HIVEP3: variants seen among roughly 807,000 people sequenced by gnomAD.
HIVEP3 encodes the protein transcription factor HIVEP3.
HIVEP3 carries 49 observed loss-of-function variants against 152.8 expected under a neutral mutation model. The ratio of observed to expected loss-of-function variants is 0.32; its 90% CI spans 0.26 to 0.41. The LOEUF is 0.41. Ranked by LOEUF, HIVEP3 falls within the 10% of genes least tolerant of loss-of-function variation. HIVEP3 has a pLI of 1.00. For synonymous variants in HIVEP3, 1,269 were observed against 1,289.0 expected, an observed-to-expected ratio of 0.98 and a Z score of 0.33; for missense variants, 2,790 against 3,103.3, an observed-to-expected ratio of 0.90 and a Z score of 2.40.
chr1:41,620,657 AC>A (rs1645034198), intron 3 of HIVEP3, among the ~76,000 whole-genome samples: 1 of 152,010 alleles, frequency 6.6e-6, no homozygotes, highest in Admixed American at 6.6e-5. Flanking sequence ...AGCAGCTCTC[AC>A]ATTCAATATG....
At chr1:41,975,474 T>C (rs911988302) in intron 1 of HIVEP3, among the ~76,000 whole-genome samples, 3 of 152,336 alleles carry the variant, frequency 2.0e-5, no homozygotes, top group South Asian at 2.1e-4. Context: ...GAGATATTGA[T>C]TGAATGAATC....
chr1:41,525,004 C>T, intron 5 of HIVEP3, 94 bp from the exon 6 acceptor site: 1 of 1,200,790 alleles, frequency 8.3e-7, no homozygotes, highest in Non-Finnish European at 1.2e-6. Context: ...ATTCATCCAG[C>T]CCGTTACAGA....
In HIVEP3 at chr1:41,552,174, C is replaced by T. The variant is rs182712587; in HGVS notation, c.5207+23370G>A. ...CATTCAGGAGCAGGTTGTTCAATTTCCATGTAGTTGTGCGGTTTTGAATGA... is the reference window on the plus strand; with the variant it reads ...CATTCAGGAGCAGGTTGTTCAATTTTCATGTAGTTGTGCGGTTTTGAATGA... On this transcript the variant is annotated intron_variant, in intron 5 of 8. Coordinates refer to ENST00000372583, the MANE Select transcript of HIVEP3 (RefSeq NM_024503.5). 6.1e-3 allele frequency among the ~76,000 whole-genome samples: 930 copies of T among 152,284 alleles called. 6 individuals carry two copies. Among genetic ancestry groups the T allele is most frequent in the Non-Finnish European group, 8.7e-3 (590 of 68,032 alleles).
intron 1 of HIVEP3, among the ~76,000 whole-genome samples, chr1:41,794,307 C>T (rs1396729825): frequency 1.3e-5 from 2 of 152,054 alleles, no homozygotes; most frequent in Non-Finnish European, 2.9e-5. Context: ...GGAAAATGCC[C>T]CCATGATTCA....
chr1:41,957,142 C>T (rs1003899414), intron 1 of HIVEP3, among the ~76,000 whole-genome samples: 2 of 152,108 alleles, frequency 1.3e-5, no homozygotes, highest in Non-Finnish European at 2.9e-5. Context: ...ACTATACTTT[C>T]TTAAAGTCTA....
At chr1:41,659,496 C>G (rs964951488) in intron 2 of HIVEP3, among the ~76,000 whole-genome samples, 2 of 152,212 alleles carry the variant, frequency 1.3e-5, no homozygotes, top group African/African-American at 4.8e-5. Flanking sequence ...CAGGGCCCAG[C>G]AGGCACTCAG....
At chr1:42,006,222 G>A (rs1399082785) in intron 1 of HIVEP3, among the ~76,000 whole-genome samples, 2 of 152,112 alleles carry the variant, frequency 1.3e-5, no homozygotes, top group African/African-American at 2.4e-5. Context: ...TGCATGTGTT[G>A]CATGTGTTGG....
intron 1 of HIVEP3, among the ~76,000 whole-genome samples, chr1:41,834,864 GC>G (rs754350964): frequency 6.6e-6 from 1 of 152,124 alleles, no homozygotes; most frequent in Non-Finnish European, 1.5e-5. Context: ...GGCCTTCCAA[GC>G]AGAGAGAACA....
At chr1:41,763,727 A>G (rs138742289) in intron 1 of HIVEP3, among the ~76,000 whole-genome samples, 1 of 152,380 alleles carries the variant, frequency 6.6e-6, no homozygotes, top group East Asian at 1.9e-4. Flanking sequence ...AAGAGTATGC[A>G]ATTAATAAAG....
intron 3 of HIVEP3, among the ~76,000 whole-genome samples, chr1:41,628,344 A>C (rs12759148): frequency 0.026 from 4,023 of 152,242 alleles, 88 homozygotes; most frequent in Middle Eastern, 0.082. Flanking sequence ...TTCAGCAAGA[A>C]CCATTATGTA....
intron 3 of HIVEP3, among the ~76,000 whole-genome samples, chr1:41,602,810 T>C (rs1439367833): frequency 6.6e-6 from 1 of 152,012 alleles, no homozygotes; most frequent in Non-Finnish European, 1.5e-5. Flanking sequence ...TAAAGTTAGG[T>C]TGCTTATTTG....
intron 1 of HIVEP3, among the ~76,000 whole-genome samples, chr1:41,968,904 A>G (rs1486412194): frequency 2.0e-5 from 3 of 152,176 alleles, no homozygotes; most frequent in African/African-American, 7.2e-5. Context: ...AAGCATTTCT[A>G]TACACAAACA....
intron 1 of HIVEP3, among the ~76,000 whole-genome samples, chr1:41,796,627 A>G (rs1005246193): frequency 1.3e-5 from 2 of 152,266 alleles, no homozygotes; most frequent in Admixed American, 6.5e-5. Flanking sequence ...ACGGTCCATC[A>G]TTATCTTGAG....
At chr1:41,944,746 G>A (rs1284076206) in intron 1 of HIVEP3, among the ~76,000 whole-genome samples, 2 of 152,110 alleles carry the variant, frequency 1.3e-5, no homozygotes, top group African/African-American at 4.8e-5. Flanking sequence ...GATGCACCCT[G>A]GAAAGGAAAA....
rs1462076906 is a variant in HIVEP3, at chr1:42,032,928, G to A, written n.119+2879C>T. Among the ~76,000 whole-genome samples, 4 of 152,116 alleles carry A rather than the reference G, an allele frequency of 2.6e-5. No homozygotes were observed. In the East Asian group the frequency reaches 7.7e-4, roughly 29 times the overall value. On this transcript the variant is annotated intron_variant and non_coding_transcript_variant, in intron 1 of 3. Transcript: ENST00000489103. ...AAGCTAGAACAGCCAGAAGCCTTCCGTGGTTTCCCATTCCCTAGCACCAGA... is the reference window on the plus strand; with the variant it reads ...AAGCTAGAACAGCCAGAAGCCTTCCATGGTTTCCCATTCCCTAGCACCAGA...
chr1:41,638,713 C>T (rs1645325863), intron 2 of HIVEP3, among the ~76,000 whole-genome samples: 1 of 152,222 alleles, frequency 6.6e-6, no homozygotes, highest in South Asian at 2.1e-4. Flanking sequence ...TGGCCCCACC[C>T]AAAATCATGA....
At chr1:42,018,235 T>C (rs1354886866) in intron 1 of HIVEP3, among the ~76,000 whole-genome samples, 2 of 146,232 alleles carry the variant, frequency 1.4e-5, no homozygotes, top group Non-Finnish European at 3.0e-5. Flanking sequence ...TTGAGTTTAG[T>C]TTAATCTAGT....
At chr1:41,839,058 T>C (rs533080368) in intron 1 of HIVEP3, among the ~76,000 whole-genome samples, 3 of 152,248 alleles carry the variant, frequency 2.0e-5, no homozygotes, top group Admixed American at 1.3e-4. Context: ...CAATTGACAA[T>C]ATTCATCAAT....
chr1:41,561,114 C>T (rs568979538), intron 5 of HIVEP3, among the ~76,000 whole-genome samples: 20 of 152,300 alleles, frequency 1.3e-4, no homozygotes, highest in African/African-American at 4.8e-4. Context: ...GTTTCCAGAG[C>T]TGGAAAGACC....
Sources: gnomAD v4.1 joint callset for allele counts (sites outside exome capture counted in the v4.1 genomes callset) on GRCh38, gnomAD v4.1.1 for gene constraint, MANE v1.5 for transcripts, NCBI Gene and HGNC (gene_info 2026-07-23, HGNC 2026-07-21) for gene names.